CSMD1: variants seen among roughly 807,000 people sequenced by gnomAD.
CSMD1 encodes CUB and Sushi multiple domains 1.
CSMD1 carries 213 observed loss-of-function variants against 417.5 expected under a neutral mutation model. The ratio of observed to expected loss-of-function variants is 0.51; its 90% confidence interval spans 0.46 to 0.57. The LOEUF is 0.57. Among genes scored for constraint, CSMD1 ranks in the 20% least tolerant of loss-of-function variants. The pLI, the probability that CSMD1 is intolerant of heterozygous loss-of-function variation, is 0.00. For synonymous variants in CSMD1, 2,862 were observed against 1,736.8 expected (o/e 1.65, Z -16.11); for missense variants, 6,923 against 4,529.7 (o/e 1.53, Z -15.17).
At chr8:4,051,308 C>CAAAA (rs5889012) in intron 3 of CSMD1, among the ~76,000 whole-genome samples, 1 of 140,510 alleles carries the variant, frequency 7.1e-6, no homozygotes, top group Non-Finnish European at 1.5e-5. Flanking sequence ...TTTGAAGACT[C>CAAAA]AAAAAAAAAA....
intron 2 of CSMD1, among the ~76,000 whole-genome samples, chr8:4,446,755 CTGTGTGTGTGTGTGTGTGTGTG>C (rs58002310): frequency 6.4e-4 from 85 of 133,020 alleles, no homozygotes; most frequent in African/African-American, 8.0e-4. Context: ...GTGTGTGTGT[CTGTGTGTGTGTGTGTGTGTGTG>C]TGTGTGTGTG....
At chr8:4,504,310 G>C (rs183732358) in intron 2 of CSMD1, among the ~76,000 whole-genome samples, 1 of 152,154 alleles carries the variant, frequency 6.6e-6, no homozygotes, top group African/African-American at 2.4e-5. Flanking sequence ...AGGTTGCCAG[G>C]TGTAGGGAAG....
At chr8:3,255,665 G>A (rs967064949) in intron 26 of CSMD1, among the ~76,000 whole-genome samples, 1 of 152,222 alleles carries the variant, frequency 6.6e-6, no homozygotes, top group Non-Finnish European at 1.5e-5. Flanking sequence ...GACCCTCTGA[G>A]CCATGCACGG....
chr8:3,715,129 T>A (rs1195854295), intron 6 of CSMD1, among the ~76,000 whole-genome samples: 1 of 152,214 alleles, frequency 6.6e-6, no homozygotes, highest in Non-Finnish European at 1.5e-5. Flanking sequence ...GTCATCGAAA[T>A]TCAGATCACC....
intron 47 of CSMD1, among the ~76,000 whole-genome samples, chr8:3,095,840 A>G (rs984311876): frequency 5.9e-5 from 9 of 152,220 alleles, no homozygotes; most frequent in Middle Eastern, 3.2e-3. Flanking sequence ...ACCACATATT[A>G]CTTTTAATCA....
intron 1 of CSMD1, among the ~76,000 whole-genome samples, chr8:4,958,262 G>A (rs968280953): frequency 1.3e-5 from 2 of 152,018 alleles, no homozygotes; most frequent in Non-Finnish European, 2.9e-5. Context: ...AGAAAAACAG[G>A]TTCAATGAAA....
intron 5 of CSMD1, among the ~76,000 whole-genome samples, chr8:3,848,616 C>G (rs2954218): frequency 0.18 from 28,002 of 152,028 alleles, 2,748 homozygotes; most frequent in East Asian, 0.4. Context: ...CCTCACTGTT[C>G]TAAAGTGCAG....
chr8:3,291,781 C>T (rs1330945414), intron 25 of CSMD1, among the ~76,000 whole-genome samples: 2 of 151,328 alleles, frequency 1.3e-5, no homozygotes, highest in East Asian at 1.9e-4. Flanking sequence ...AAGTCAGCTC[C>T]TGGATTCATT....
intron 25 of CSMD1, among the ~76,000 whole-genome samples, chr8:3,292,922 C>G (rs539214730): frequency 1.1e-3 from 169 of 151,968 alleles, no homozygotes; most frequent in African/African-American, 3.5e-3. Context: ...TTCCTAGTCT[C>G]GATGGTCTTT....
intron 49 of CSMD1, among the ~76,000 whole-genome samples, chr8:3,082,482 G>A (rs1322320548): frequency 6.6e-6 from 1 of 152,094 alleles, no homozygotes. Context: ...ATCCATTCCT[G>A]CTGACTATCA....
At chr8:4,083,630 C>G (rs894606319) in intron 3 of CSMD1, among the ~76,000 whole-genome samples, 14 of 152,240 alleles carry the variant, frequency 9.2e-5, no homozygotes, top group South Asian at 2.1e-4. Flanking sequence ...GGAAAACTGG[C>G]TAGCCATATG....
At chr8:4,010,398 T>C (rs1288916185) in intron 4 of CSMD1, among the ~76,000 whole-genome samples, 1 of 152,166 alleles carries the variant, frequency 6.6e-6, no homozygotes, top group Non-Finnish European at 1.5e-5. Context: ...TCTTCACCTC[T>C]ACCTCTGCAC....
At chr8:4,234,235 A>G (rs1337461391) in intron 3 of CSMD1, among the ~76,000 whole-genome samples, 1 of 152,214 alleles carries the variant, frequency 6.6e-6, no homozygotes, top group East Asian at 1.9e-4. Context: ...GGCTGCCACC[A>G]GACTAAAGCA....
chr8:3,534,881 C>G (rs1041297940), intron 10 of CSMD1, among the ~76,000 whole-genome samples: 26 of 152,328 alleles, frequency 1.7e-4, no homozygotes, highest in African/African-American at 6.0e-4. Context: ...CTGGGAGCTA[C>G]TTGGTACAAA....
chr8:4,124,383 A>C (rs1414496255), intron 3 of CSMD1, among the ~76,000 whole-genome samples: 2 of 143,038 alleles, frequency 1.4e-5, no homozygotes, highest in African/African-American at 5.2e-5. Context: ...CTCCATATCA[A>C]AAAGGAGACA....
intron 5 of CSMD1, among the ~76,000 whole-genome samples, chr8:3,970,757 T>C (rs1044001547): frequency 5.3e-5 from 8 of 151,990 alleles, no homozygotes; most frequent in African/African-American, 1.7e-4. Flanking sequence ...TTTTTGTTTT[T>C]TTGTTTTTGT....
chr8:3,748,480 G>A (rs1365882287), intron 6 of CSMD1, among the ~76,000 whole-genome samples: 1 of 152,152 alleles, frequency 6.6e-6, no homozygotes, highest in African/African-American at 2.4e-5. Flanking sequence ...GAGGGGAATA[G>A]GAGCACTTGA....
intron 1 of CSMD1, among the ~76,000 whole-genome samples, chr8:4,766,361 G>A (rs140098758): frequency 1.3e-5 from 2 of 152,288 alleles, no homozygotes; most frequent in African/African-American, 4.8e-5. Context: ...TAGGACACAA[G>A]AAGAAATTAG....
chr8:3,011,830 C>A (rs1435532538), intron 52 of CSMD1, among the ~76,000 whole-genome samples: 1 of 152,178 alleles, frequency 6.6e-6, no homozygotes, highest in Non-Finnish European at 1.5e-5. Flanking sequence ...CAAACTATAA[C>A]CTCTTCCTAG....
Sources: allele counts gnomAD v4.1 joint callset (sites outside exome capture counted in the v4.1 genomes callset), GRCh38; gene constraint gnomAD v4.1.1; transcripts MANE v1.5; gene names NCBI Gene and HGNC (gene_info 2026-07-23, HGNC 2026-07-21).